The following ATP10D variants were observed in gnomAD, a reference collection of about 807,000 sequenced individuals.
ATP10D encodes the protein phospholipid-transporting ATPase VD.
In ATP10D, 89 loss-of-function variants were observed where a neutral mutation model predicts 144.8. That is an observed-to-expected ratio of 0.61 (90% CI 0.52 to 0.73). ATP10D has a LOEUF of 0.73. ATP10D is among the 30% of genes least tolerant of loss of function. ATP10D has a pLI of 0.00. For missense variants in ATP10D, 1,603 were observed against 1,714.8 expected, an observed-to-expected ratio of 0.93 and a Z score of 1.15; for synonymous variants, 571 against 615.1, an observed-to-expected ratio of 0.93 and a Z score of 1.06.
chr4:47,564,331 G>GTT (rs529281237), intron 15 of ATP10D, among the ~76,000 whole-genome samples: 3 of 147,054 alleles, frequency 2.0e-5, no homozygotes, highest in East Asian at 2.0e-4. Context: ...TTAGAAGAAA[G>GTT]TTTTTTTTTT....
intron 5 of ATP10D, among the ~76,000 whole-genome samples, chr4:47,534,560 A>G (rs1386262454): frequency 1.3e-5 from 2 of 152,172 alleles, no homozygotes; most frequent in East Asian, 3.8e-4. Context: ...GTCCCATTGT[A>G]AGATTAGTGT....
In ATP10D at chr4:47,591,092, G is replaced by A. The variant is rs754044679; in HGVS notation, c.3992G>A (p.Arg1331Lys). ...TCCCTGTTTCCATCTCCAATTCTGA[G>A]AGCTAAGCACTTTGACAGACTAACT... ...QGSLFPSPIL[R>K]AKHFDRLTPE... The change falls in exon 23 of 23, where the codon AGA becomes AAA. Residue 1331 changes from arginine (R) to lysine (K), a missense_variant. By Grantham distance (26) the Arg-to-Lys change is conservative. Transcript: ENST00000273859. 1 of 1,612,810 alleles carries A rather than the reference G, an allele frequency of 6.2e-7. No individual in the cohort carries two copies. The highest frequency in any genetic ancestry group is 8.5e-7 in the Non-Finnish European group (1 of 1,179,326).
intron 1 of ATP10D, among the ~76,000 whole-genome samples, chr4:47,504,829 C>T (rs1715933535): frequency 1.3e-5 from 2 of 152,208 alleles, no homozygotes; most frequent in South Asian, 4.1e-4. Context: ...TATTGTGAAA[C>T]AATTCCTATC....
At chr4:47,563,860 A>C in intron 15 of ATP10D, 95 bp downstream of exon 15, 8 of 1,164,798 alleles carry the variant, frequency 6.9e-6, no homozygotes, top group Non-Finnish European at 9.3e-6. Context: ...AAAAAACAAA[A>C]CAGCAACCGT....
In ATP10D at chr4:47,558,024, G is replaced by C; in HGVS notation, c.2185G>C (p.Asp729His). 6.2e-7 allele frequency: 1 copy of C among 1,614,206 alleles called. No individual in the cohort carries two copies. The highest frequency in any genetic ancestry group is 8.5e-7 in the Non-Finnish European group (1 of 1,180,016). ...CNLCYEAESP[D>H]EAALVYAARA... ...CCTGTGTTATGAGGCCGAGAGCCCA[G>C]ACGAAGCGGCCTTAGTGTATGCCGC... Residue 729 changes from aspartate to histidine, a missense_variant, in exon 12 of 23, where the codon GAC (aspartate) becomes CAC (histidine). Asp to His is a moderately conservative substitution (Grantham distance 81). Coordinates refer to ENST00000273859, the MANE Select transcript of ATP10D (RefSeq NM_020453.4).
Position 47,568,850 on chromosome 4 carries a change from T to A in ATP10D, c.2867T>A (p.Met956Lys), listed in dbSNP as rs543911299. ...LNTQSKDACG[M>K]LMSTILKELQ... is the part of the protein sequence containing the mutation. ...TCTTGTTTCAAGGATGCCTGTGGGATGCTGATGAGCACAATTTTGAAAGAA... is the reference window on the plus strand; with the variant it reads ...TCTTGTTTCAAGGATGCCTGTGGGAAGCTGATGAGCACAATTTTGAAAGAA... The change falls in exon 16 of 23, where the codon ATG becomes AAG. Residue 956 changes from methionine to lysine, a missense_variant. Transcript: ENST00000273859. The A allele has an allele frequency of 6.2e-7, 1 of 1,613,816 alleles. No individual in the cohort carries two copies. The highest frequency in any genetic ancestry group is 1.3e-5 in the African/African-American group (1 of 75,034).
chr4:47,499,536 A>G (rs1319306587), intron 1 of ATP10D, among the ~76,000 whole-genome samples: 2 of 152,190 alleles, frequency 1.3e-5, no homozygotes, highest in African/African-American at 4.8e-5. Context: ...AAATTATTCA[A>G]AACAAGGAGA....
chr4:47,537,261 A>C (rs981647691), intron 9 of ATP10D, among the ~76,000 whole-genome samples: 3 of 152,182 alleles, frequency 2.0e-5, no homozygotes, highest in Non-Finnish European at 4.4e-5. Context: ...TCTTTGAAAA[A>C]TATTTTGGAA....
At chr4:47,496,836 A>G (rs961460544) in intron 1 of ATP10D, among the ~76,000 whole-genome samples, 7 of 151,912 alleles carry the variant, frequency 4.6e-5, no homozygotes, top group Non-Finnish European at 7.4e-5. Context: ...ATCTTATAAG[A>G]TATTAATTAA....
intron 5 of ATP10D, among the ~76,000 whole-genome samples, chr4:47,534,871 G>C (rs1177199821): frequency 3.3e-5 from 5 of 152,038 alleles, no homozygotes; most frequent in Non-Finnish European, 4.4e-5. Context: ...CCTAGACAAA[G>C]TAGTAACTGA....
Position 47,528,846 on chromosome 4 carries a change from A to C in ATP10D, c.776+3204A>C, listed in dbSNP as rs530539769. 3.7e-4 allele frequency among the ~76,000 whole-genome samples: 56 copies of C among 152,178 alleles called. No homozygotes were observed. The South Asian group carries it at 0.011, about 31-fold the overall frequency. On this transcript the variant is annotated intron_variant, in intron 5 of 22. Transcript: ENST00000273859. ...ATTTTTTTACTTTTTAGTAATAGTC[A>C]TTCTGACTGGTGTGAGATGGTATCT...
intron 4 of ATP10D, 59 bp from the exon 5 acceptor site, chr4:47,525,498 C>G: frequency 2.5e-6 from 3 of 1,206,946 alleles, no homozygotes; most frequent in Non-Finnish European, 3.7e-6. Flanking sequence ...TGATAAAACA[C>G]TTCAATATTA....
intron 5 of ATP10D, among the ~76,000 whole-genome samples, chr4:47,529,064 C>A (rs1717423752): frequency 6.6e-6 from 1 of 152,090 alleles, no homozygotes; most frequent in Non-Finnish European, 1.5e-5. Context: ...ACATAGTTTG[C>A]AAATATTTCC....
chr4:47,503,570 C>T (rs1479141519), intron 1 of ATP10D, among the ~76,000 whole-genome samples: 1 of 152,108 alleles, frequency 6.6e-6, no homozygotes, highest in East Asian at 1.9e-4. Context: ...ATAGCGCTTC[C>T]TCCCATGATA....
intron 9 of ATP10D, among the ~76,000 whole-genome samples, chr4:47,540,919 G>A (rs914526853): frequency 2.6e-5 from 4 of 152,172 alleles, no homozygotes; most frequent in African/African-American, 9.7e-5. Flanking sequence ...ATTTGGGCTT[G>A]TCCAGAGTAT....
intron 1 of ATP10D, among the ~76,000 whole-genome samples, chr4:47,490,201 T>C (rs1353253498): frequency 6.6e-6 from 1 of 152,224 alleles, no homozygotes; most frequent in Admixed American, 6.5e-5. Flanking sequence ...GTTAACATTT[T>C]AAATTATAAC....
rs778302044 is a variant in ATP10D at position 47,563,754 on chromosome 4, AC to A, written c.2845del (p.Gln949LysfsTer9). On this transcript the variant is annotated frameshift_variant, in exon 15 of 23. Transcript: ENST00000273859. LOFTEE classifies it high-confidence loss of function. ...EPDDKLFILN[T>X]QSKDACGMLM... is the part of the protein sequence containing the mutation. The stretch of plus-strand genomic sequence containing the variant: ...AGATGACAAGCTTTTTATCCTCAAT[AC>A]CCAAAGTAAAGTGCGTATATTGAGA... The A allele has an allele frequency of 2.5e-6, 4 of 1,605,306 alleles. No homozygotes were observed. The highest frequency in any genetic ancestry group is 3.4e-6 in the Non-Finnish European group (4 of 1,176,486).
chr4:47,538,855 T>C (rs1430814873), intron 9 of ATP10D, among the ~76,000 whole-genome samples: 1 of 152,206 alleles, frequency 6.6e-6, no homozygotes, highest in African/African-American at 2.4e-5. Flanking sequence ...GAATTTCTCA[T>C]TTTGAATCTT....
intron 10 of ATP10D, among the ~76,000 whole-genome samples, chr4:47,553,549 T>A (rs1279686118): frequency 6.6e-6 from 1 of 152,200 alleles, no homozygotes; most frequent in Non-Finnish European, 1.5e-5. Context: ...AGGTTCCTGT[T>A]CTACTGGTCT....
Sources: allele counts gnomAD v4.1 joint callset (sites outside exome capture counted in the v4.1 genomes callset), GRCh38; gene constraint gnomAD v4.1.1; transcripts MANE v1.5; gene names NCBI Gene and HGNC (gene_info 2026-07-23, HGNC 2026-07-21).